The following ORC3 variants were observed in gnomAD, a reference collection of about 807,000 sequenced individuals.
ORC3 encodes the protein origin recognition complex subunit 3, also known as homolog of latheo, Drosophila.
In ORC3, 78 loss-of-function variants were observed where a neutral mutation model predicts 100.7. The ratio of observed to expected loss-of-function variants is 0.77; its 90% CI spans 0.65 to 0.94. The LOEUF (loss-of-function observed/expected upper bound fraction) is 0.94. Among genes scored for constraint, ORC3 ranks in the 40% least tolerant of loss-of-function variants. The probability of loss-of-function intolerance (pLI) is 0.00; values close to 1 mark genes in which losing one functional copy is unlikely to be tolerated. For synonymous variants in ORC3, 295 were observed against 289.3 expected (o/e 1.02, Z -0.20); for missense variants, 789 against 823.9 (o/e 0.96, Z 0.52).
At chr6:87,607,391 A>G (rs1778419327) in intron 5 of ORC3, among the ~76,000 whole-genome samples, 1 of 152,098 alleles carries the variant, frequency 6.6e-6, no homozygotes, top group African/African-American at 2.4e-5. Flanking sequence ...AGATCCTGCC[A>G]CTGTACTCCA....
the ORC3 span, among the ~76,000 whole-genome samples, chr6:87,677,152 T>A: frequency 6.6e-6 from 1 of 151,470 alleles, no homozygotes; most frequent in East Asian, 1.9e-4. Context: ...AGTTATTGTA[T>A]GTGGTCTATG....
At chr6:87,644,470 G>T (rs575647224) in intron 13 of ORC3, among the ~76,000 whole-genome samples, 1 of 152,114 alleles carries the variant, frequency 6.6e-6, no homozygotes, top group African/African-American at 2.4e-5. Flanking sequence ...ACTTTGGGAG[G>T]CTGAGGCAGG....
chr6:87,672,737 T>C, the ORC3 span, among the ~76,000 whole-genome samples: 1 of 152,292 alleles, frequency 6.6e-6, no homozygotes, highest in Admixed American at 6.5e-5. Flanking sequence ...CTTCTACCAT[T>C]TTCTTTAGGG....
chr6:87,673,154 ATTTTTT>A, the ORC3 span, among the ~76,000 whole-genome samples: 9 of 65,880 alleles, frequency 1.4e-4, no homozygotes, highest in Admixed American at 6.5e-4. Flanking sequence ...AAAAAAAAAA[ATTTTTT>A]TTTTTTTTTT....
the ORC3 span, among the ~76,000 whole-genome samples, chr6:87,676,239 C>A: frequency 1.3e-5 from 2 of 151,430 alleles, no homozygotes; most frequent in Admixed American, 1.3e-4. Context: ...CCGAGGCGGG[C>A]GGATCACAAG....
intron 1 of ORC3, among the ~76,000 whole-genome samples, chr6:87,592,885 A>C (rs1367979363): frequency 6.6e-6 from 1 of 152,146 alleles, no homozygotes; most frequent in Non-Finnish European, 1.5e-5. Flanking sequence ...CGAGATCAGG[A>C]GTGCGAGACC....
At chr6:87,659,357 C>T (rs1010685415) in intron 16 of ORC3, among the ~76,000 whole-genome samples, 12 of 151,842 alleles carry the variant, frequency 7.9e-5, no homozygotes, top group Non-Finnish European at 1.2e-4. Context: ...CCACCGCGCC[C>T]GGCCCTGTTT....
chr6:87,675,950 G>A, the ORC3 span: 3 of 1,594,616 alleles, frequency 1.9e-6, no homozygotes, highest in Non-Finnish European at 1.7e-6. Context: ...AAAGGTACTT[G>A]TCAATTACAT....
At chr6:87,636,879 GGTGATAT>G (rs1583104392) in intron 13 of ORC3, among the ~76,000 whole-genome samples, 1 of 152,166 alleles carries the variant, frequency 6.6e-6, no homozygotes, top group African/African-American at 2.4e-5. Context: ...AGCATCATTG[GGTGATAT>G]GTACCCAGTG....
chr6:87,602,194 G>A (rs1269653760), intron 3 of ORC3, among the ~76,000 whole-genome samples: 1 of 151,288 alleles, frequency 6.6e-6, no homozygotes, highest in Admixed American at 6.6e-5. Context: ...ATAGTACCAC[G>A]GCACTCCAGC....
intron 11 of ORC3, 128 bp downstream of exon 11, chr6:87,622,141 T>A (rs1779582777): frequency 3.5e-6 from 2 of 576,652 alleles, no homozygotes; most frequent in Admixed American, 6.5e-5. Context: ...AAGTACTGGG[T>A]CTTGATAGTC....
chr6:87,614,239 G>A (rs192515280), intron 8 of ORC3, among the ~76,000 whole-genome samples: 6 of 152,322 alleles, frequency 3.9e-5, no homozygotes, highest in Admixed American at 6.5e-5. Context: ...GCCGTGGCCC[G>A]AACTTTGTGT....
In ORC3 at chr6:87,667,208, T is replaced by A. The variant is rs569780782; in HGVS notation, c.*85T>A. The stretch of plus-strand genomic sequence containing the variant: ...CATATTTACATATATTAGAGGAGCC[T>A]GTTTTGTTGAGAAGATAAATGTGTA... On this transcript the variant is annotated 3_prime_UTR_variant, in exon 20 of 20. Transcript: ENST00000392844. The A allele has an allele frequency of 1.3e-6, 1 of 763,182 alleles. No homozygotes were observed. Among genetic ancestry groups the A allele is most frequent in the Admixed American group, 2.8e-5 (1 of 35,366 alleles). 47.3% of individuals were successfully genotyped at this position (763,182 alleles called of 1,614,324 possible).
intron 2 of ORC3, among the ~76,000 whole-genome samples, chr6:87,598,747 C>T (rs545704452): frequency 1.6e-4 from 24 of 151,294 alleles, no homozygotes; most frequent in Non-Finnish European, 3.2e-4. Context: ...GATTATAAGG[C>T]AGATGGAGCA....
chr6:87,670,217 G>T (rs1262698266), downstream of ORC3, among the ~76,000 whole-genome samples: 1 of 152,072 alleles, frequency 6.6e-6, no homozygotes, highest in Non-Finnish European at 1.5e-5. Context: ...GTCACCCAGA[G>T]TGCAGTGACA....
chr6:87,608,295 T>C (rs752869109), intron 6 of ORC3, among the ~76,000 whole-genome samples: 1 of 152,202 alleles, frequency 6.6e-6, no homozygotes, highest in African/African-American at 2.4e-5. Context: ...AGGGAATCAG[T>C]GTTCTTTAAG....
At chr6:87,624,814 G>A (rs895561634) in intron 11 of ORC3, among the ~76,000 whole-genome samples, 5 of 151,984 alleles carry the variant, frequency 3.3e-5, no homozygotes, top group Non-Finnish European at 7.4e-5. Context: ...ATTTACATTA[G>A]GTATATCTCC....
chr6:87,656,959 A>T lies in ORC3; in HGVS notation c.1570A>T (p.Thr524Ser), dbSNP rs1278676406. 4 of 1,612,014 alleles carry T rather than the reference A, an allele frequency of 2.5e-6. No individual in the cohort carries two copies. Among genetic ancestry groups the T allele is most frequent in the Non-Finnish European group, 3.4e-6 (4 of 1,178,238 alleles). Reference protein sequence around the residue: ...SGSQPKGLQKTDLYHLQKSLL... With the variant: ...SGSQPKGLQKSDLYHLQKSLL... ...GTCACAGCCAAAGGGGCTTCAGAAGACAGACCTCTATCATCTTCAGAAGGT... is the reference window on the plus strand; with the variant it reads ...GTCACAGCCAAAGGGGCTTCAGAAGTCAGACCTCTATCATCTTCAGAAGGT... Residue 524 changes from threonine to serine, a missense_variant, in exon 15 of 20, where the codon ACA becomes TCA. Transcript: ENST00000392844.
At chr6:87,596,308 A>AT (rs1777438539) in intron 2 of ORC3, among the ~76,000 whole-genome samples, 1 of 151,272 alleles carries the variant, frequency 6.6e-6, no homozygotes, top group South Asian at 2.1e-4. Flanking sequence ...TAATTTTTGT[A>AT]TTTTTTAGTA....
Sources: gnomAD v4.1 joint callset for allele counts (sites outside exome capture counted in the v4.1 genomes callset) on GRCh38, gnomAD v4.1.1 for gene constraint, MANE v1.5 for transcripts, NCBI Gene and HGNC (gene_info 2026-07-23, HGNC 2026-07-21) for gene names.